GLUD1: variants seen among roughly 807,000 people sequenced by gnomAD.
The protein encoded by GLUD1 is glutamate dehydrogenase 1, also known as glutamate dehydrogenase 1, mitochondrial.
GLUD1 carries 22 observed loss-of-function variants against 56.0 expected under a neutral mutation model. The observed-to-expected ratio is 0.39, with a 90% CI of 0.28 to 0.56. The LOEUF (loss-of-function observed/expected upper bound fraction) is 0.56, where lower values mean the gene tolerates loss of function less well. Among genes scored for constraint, GLUD1 ranks in the 20% least tolerant of loss-of-function variants. GLUD1 has a pLI of 0.58. For missense variants in GLUD1, 451 were observed against 732.0 expected (o/e 0.62, Z 4.43); for synonymous variants, 223 against 269.9 (o/e 0.83, Z 1.70).
intron 9 of GLUD1, 123 bp from the exon 10 acceptor site, chr10:87,059,396 T>C (rs1845871174): frequency 1.1e-6 from 1 of 945,404 alleles, no homozygotes. Flanking sequence ...AAATATATTT[T>C]AGCCAGTATC....
At chr10:87,052,669 CAAAAAAAA>C (rs751155208) in intron 12 of GLUD1, among the ~76,000 whole-genome samples, 1 of 41,724 alleles carries the variant, frequency 2.4e-5, no homozygotes, top group Non-Finnish European at 4.7e-5. Context: ...AACTCCGTCT[CAAAAAAAA>C]AAAAAAAAAA....
chr10:87,081,756 C>T (rs1450560979), intron 1 of GLUD1, among the ~76,000 whole-genome samples: 2 of 151,750 alleles, frequency 1.3e-5, no homozygotes, highest in South Asian at 2.1e-4. Context: ...GCAGCATGCT[C>T]GTTAAGAGTC....
chr10:87,050,615 T>C lies in GLUD1; in HGVS notation c.*1136A>G, dbSNP rs1448267684. On this transcript the variant is annotated 3_prime_UTR_variant, in exon 13 of 13. Transcript: ENST00000277865. ...AAAAAAGCTGACTCTTACACATATA[T>C]TATCTAGCACTTCATGGGGACACTA... The C allele has an allele frequency of 1.3e-5, 2 of 151,910 alleles. No individual in the cohort carries two copies. The highest frequency in any genetic ancestry group is 2.9e-5 in the Non-Finnish European group (2 of 67,986). 9.4% of individuals were successfully genotyped at this position (151,910 alleles called of 1,614,324 possible).
At chr10:87,055,625 G>A (rs912239006) in intron 11 of GLUD1, among the ~76,000 whole-genome samples, 2 of 152,074 alleles carry the variant, frequency 1.3e-5, no homozygotes, top group Non-Finnish European at 2.9e-5. Flanking sequence ...ACTTAAGCAG[G>A]GAGGAGATCA....
chr10:87,081,572 A>G (rs899235914), intron 1 of GLUD1, among the ~76,000 whole-genome samples: 1 of 152,104 alleles, frequency 6.6e-6, no homozygotes, highest in Non-Finnish European at 1.5e-5. Context: ...AGAAGTAGAC[A>G]TGGGAGACTT....
chr10:87,072,391 T>C (rs1846263021), intron 4 of GLUD1, among the ~76,000 whole-genome samples: 2 of 152,208 alleles, frequency 1.3e-5, no homozygotes, highest in South Asian at 4.1e-4. Context: ...TAAACACACA[T>C]GTGACAGGAT....
intron 5 of GLUD1, 147 bp from the exon 6 acceptor site, chr10:87,062,982 T>G: frequency 1.4e-6 from 1 of 737,820 alleles, no homozygotes; most frequent in Non-Finnish European, 2.3e-6. Context: ...AAGGTATACT[T>G]TTACCAATAG....
intron 1 of GLUD1, among the ~76,000 whole-genome samples, chr10:87,088,341 C>G (rs1841435110): frequency 6.6e-6 from 1 of 151,856 alleles, no homozygotes; most frequent in Non-Finnish European, 1.5e-5. Context: ...TAAAAAAATT[C>G]AACTTTGTTT....
intron 4 of GLUD1, among the ~76,000 whole-genome samples, chr10:87,071,614 A>T (rs757252407): frequency 5.3e-5 from 8 of 152,220 alleles, no homozygotes; most frequent in Non-Finnish European, 1.0e-4. Flanking sequence ...ACACAGAGAT[A>T]TAAGGGGATG....
chr10:87,073,282 T>C (rs1846290695), intron 4 of GLUD1, among the ~76,000 whole-genome samples: 1 of 152,152 alleles, frequency 6.6e-6, no homozygotes, highest in African/African-American at 2.4e-5. Context: ...CCCATCTTAG[T>C]AGTTGGGACC....
At chr10:87,079,629 T>G (rs1564559507) in intron 1 of GLUD1, among the ~76,000 whole-genome samples, 1 of 152,100 alleles carries the variant, frequency 6.6e-6, no homozygotes, top group Non-Finnish European at 1.5e-5. Flanking sequence ...CTAATGCCAC[T>G]CTCCTAGGAT....
In GLUD1 at chr10:87,050,741, T is replaced by A. The variant is rs1845610625; in HGVS notation, c.*1010A>T. Reference sequence around the variant, plus strand: ...GAAGCTGGGTGCAGAATGCAAAGCCTCTAAAAGGAGAGGATACAAAGTCAG... The same window carrying A: ...GAAGCTGGGTGCAGAATGCAAAGCCACTAAAAGGAGAGGATACAAAGTCAG... On this transcript the variant is annotated 3_prime_UTR_variant, in exon 13 of 13. Coordinates refer to ENST00000277865, the MANE Select transcript of GLUD1 (RefSeq NM_005271.5). 6.6e-6 allele frequency: 1 copy of A among 152,218 alleles called. No homozygotes were observed. The highest frequency in any genetic ancestry group is 2.1e-4 in the South Asian group (1 of 4,836). The allele number at this position is 152,218 out of a possible 1,614,324, so 9.4% of individuals were successfully genotyped here.
At chr10:87,070,542 T>G (rs951045524) in intron 4 of GLUD1, among the ~76,000 whole-genome samples, 51 of 152,052 alleles carry the variant, frequency 3.4e-4, no homozygotes, top group Non-Finnish European at 2.2e-4. Context: ...GACGTTGCAG[T>G]GAGCCGAGAT....
intron 2 of GLUD1, among the ~76,000 whole-genome samples, chr10:87,076,312 T>C (rs1846392771): frequency 6.6e-6 from 1 of 152,198 alleles, no homozygotes; most frequent in African/African-American, 2.4e-5. Context: ...AATTTGGTCT[T>C]ATTTACAGAA....
intron 1 of GLUD1, among the ~76,000 whole-genome samples, chr10:87,078,870 G>A (rs976208214): frequency 1.3e-5 from 2 of 152,166 alleles, no homozygotes; most frequent in African/African-American, 4.8e-5. Flanking sequence ...GCCCAACATG[G>A]TAGTTCATGC....
At chr10:87,080,459 C>T (rs918924894) in intron 1 of GLUD1, among the ~76,000 whole-genome samples, 1 of 151,428 alleles carries the variant, frequency 6.6e-6, no homozygotes, top group Non-Finnish European at 1.5e-5. Context: ...TGAGGAGCGT[C>T]TCTGCCCTGC....
intron 1 of GLUD1, among the ~76,000 whole-genome samples, chr10:87,090,542 T>C (rs1160665621): frequency 6.6e-6 from 1 of 152,182 alleles, no homozygotes; most frequent in Non-Finnish European, 1.5e-5. Context: ...TTTTCTAGTA[T>C]ACTTTGGGAG....
intron 12 of GLUD1, among the ~76,000 whole-genome samples, chr10:87,052,077 C>G (rs1589348242): frequency 6.6e-6 from 1 of 152,182 alleles, no homozygotes; most frequent in Non-Finnish European, 1.5e-5. Flanking sequence ...TGGCTGGGTG[C>G]GGTGGCTCAC....
intron 1 of GLUD1, among the ~76,000 whole-genome samples, chr10:87,088,086 A>C (rs1432647586): frequency 1.3e-5 from 2 of 151,910 alleles, no homozygotes; most frequent in Non-Finnish European, 2.9e-5. Flanking sequence ...TGTTTCAAAA[A>C]AAAAACAAAC....
Sources: allele counts gnomAD v4.1 joint callset (sites outside exome capture counted in the v4.1 genomes callset), GRCh38; gene constraint gnomAD v4.1.1; transcripts MANE v1.5; gene names NCBI Gene and HGNC (gene_info 2026-07-23, HGNC 2026-07-21).